Variants in STT3B observed in about 807,000 individuals in gnomAD.
The protein encoded by STT3B is STT3 oligosaccharyltransferase complex catalytic subunit B.
In STT3B, 29 loss-of-function variants were observed where a neutral mutation model predicts 96.8. That is an observed-to-expected ratio of 0.30 (90% CI 0.22 to 0.41). The LOEUF is 0.41. Among genes scored for constraint, STT3B ranks in the 10% least tolerant of loss-of-function variants. STT3B has a pLI of 1.00. For synonymous variants in STT3B, 367 were observed against 360.0 expected (o/e 1.02, Z -0.22); for missense variants, 640 against 1,022.3 (o/e 0.63, Z 5.10).
intron 15 of STT3B, among the ~76,000 whole-genome samples, chr3:31,634,716 G>T (rs1699726444): frequency 1.3e-5 from 2 of 152,112 alleles, no homozygotes; most frequent in Non-Finnish European, 2.9e-5. Flanking sequence ...TTGGCACATG[G>T]TTCACTGCCA....
At chr3:31,557,985 G>A (rs1295256556) in intron 1 of STT3B, among the ~76,000 whole-genome samples, 1 of 152,146 alleles carries the variant, frequency 6.6e-6, no homozygotes, top group Non-Finnish European at 1.5e-5. Context: ...GTTTGTCATT[G>A]ACATATAAAA....
intron 5 of STT3B, among the ~76,000 whole-genome samples, chr3:31,606,132 T>G (rs908930392): frequency 3.9e-5 from 6 of 152,162 alleles, no homozygotes; most frequent in African/African-American, 1.4e-4. Flanking sequence ...AAAAGGTGAC[T>G]TGGGTACTGT....
At chr3:31,634,309 G>T (rs1699719375) in intron 15 of STT3B, among the ~76,000 whole-genome samples, 2 of 152,144 alleles carry the variant, frequency 1.3e-5, no homozygotes, top group Admixed American at 1.3e-4. Flanking sequence ...GTATAACTAA[G>T]GTGTACTTTT....
At chr3:31,571,933 ATATT>A (rs1698149668) in intron 1 of STT3B, among the ~76,000 whole-genome samples, 1 of 76,806 alleles carries the variant, frequency 1.3e-5, no homozygotes, top group Admixed American at 1.6e-4. Flanking sequence ...TATATCATAT[ATATT>A]ATATATAATA....
chr3:31,563,869 G>A (rs1379732469), intron 1 of STT3B, among the ~76,000 whole-genome samples: 1 of 152,004 alleles, frequency 6.6e-6, no homozygotes, highest in Admixed American at 6.6e-5. Context: ...TAGTGGGCGC[G>A]ATCTTGGCTC....
chr3:31,576,493 G>A lies in STT3B; in HGVS notation c.412G>A (p.Val138Ile). 4 of 1,565,138 alleles carry A rather than the reference G, an allele frequency of 2.6e-6. No individual in the cohort carries two copies. Among genetic ancestry groups the A allele is most frequent in the Non-Finnish European group, 3.5e-6 (4 of 1,143,402 alleles). The part of the protein sequence containing the change: ...ERAWYPLGRI[V>I]GGTVYPGLMI... ...AGCATGGTATCCACTAGGAAGAATA[G>A]TAGGTGGTACTGTAAGTATATTAGC... Residue 138 changes from valine to isoleucine, a missense_variant, in exon 2 of 16, where the codon GTA becomes ATA. This residue lies in a region of STT3B where 267 missense variants were observed against 388.3 expected (regional missense o/e 0.69). Transcript: ENST00000295770.
chr3:31,584,496 A>G (rs1698491973), intron 3 of STT3B, among the ~76,000 whole-genome samples: 1 of 152,176 alleles, frequency 6.6e-6, no homozygotes, highest in African/African-American at 2.4e-5. Flanking sequence ...TTAATTCAAC[A>G]GAAATTTTTG....
intron 1 of STT3B, among the ~76,000 whole-genome samples, chr3:31,543,317 C>G (rs992653827): frequency 6.6e-6 from 1 of 152,204 alleles, no homozygotes; most frequent in Non-Finnish European, 1.5e-5. Context: ...TGGTAAGGTA[C>G]TGTTATGATT....
At chr3:31,635,949 C>A in intron 15 of STT3B, 35 bp from the exon 16 acceptor site, 2 of 1,495,926 alleles carry the variant, frequency 1.3e-6, no homozygotes, top group Non-Finnish European at 1.8e-6. Flanking sequence ...CAGTAAGAAA[C>A]CTGCATTAAT....
intron 1 of STT3B, among the ~76,000 whole-genome samples, chr3:31,564,495 A>G (rs544109968): frequency 6.6e-6 from 1 of 152,224 alleles, no homozygotes; most frequent in East Asian, 1.9e-4. Context: ...ATCTGTAAAT[A>G]GGGAATGACA....
intron 10 of STT3B, among the ~76,000 whole-genome samples, 199 bp from the exon 11 acceptor site, chr3:31,623,475 G>T (rs553368245): frequency 6.6e-6 from 1 of 152,176 alleles, no homozygotes; most frequent in South Asian, 2.1e-4. Flanking sequence ...TTCTGGATTG[G>T]TATATTCCCA....
chr3:31,544,398 G>A (rs1350175501), intron 1 of STT3B, among the ~76,000 whole-genome samples: 1 of 152,172 alleles, frequency 6.6e-6, no homozygotes, highest in African/African-American at 2.4e-5. Context: ...ATTGAATATT[G>A]TAGATATTGT....
chr3:31,607,535 T>TGCAA (rs1699080009), intron 5 of STT3B, among the ~76,000 whole-genome samples: 1 of 152,162 alleles, frequency 6.6e-6, no homozygotes, highest in Non-Finnish European at 1.5e-5. Flanking sequence ...GCATGCCACC[T>TGCAA]TGATTGTGAG....
chr3:31,609,215 T>C (rs1347447286), intron 5 of STT3B, among the ~76,000 whole-genome samples: 2 of 152,182 alleles, frequency 1.3e-5, no homozygotes, highest in African/African-American at 4.8e-5. Context: ...TTTAAATCTT[T>C]TTTTATTTTT....
intron 1 of STT3B, among the ~76,000 whole-genome samples, chr3:31,553,430 G>A (rs138682019): frequency 1.4e-3 from 212 of 152,252 alleles, no homozygotes; most frequent in African/African-American, 4.8e-3. Context: ...ATACTACTCA[G>A]CAGTAAAAAA....
At chr3:31,591,860 T>G (rs1698671619) in intron 3 of STT3B, among the ~76,000 whole-genome samples, 1 of 152,140 alleles carries the variant, frequency 6.6e-6, no homozygotes, top group Admixed American at 6.5e-5. Flanking sequence ...ATAATTTCCT[T>G]TTAGCCTGAA....
chr3:31,535,232 A>G (rs915799753), intron 1 of STT3B, among the ~76,000 whole-genome samples: 2 of 152,146 alleles, frequency 1.3e-5, no homozygotes, highest in East Asian at 1.9e-4. Flanking sequence ...AGAAATCTGC[A>G]TCAAGTCAGC....
chr3:31,547,532 G>T (rs573738963), intron 1 of STT3B, among the ~76,000 whole-genome samples: 1 of 152,194 alleles, frequency 6.6e-6, no homozygotes, highest in South Asian at 2.1e-4. Context: ...TGTAATCCCA[G>T]CTACTCGAGA....
At chr3:31,602,098 T>C (rs1698941614) in intron 5 of STT3B, among the ~76,000 whole-genome samples, 1 of 152,112 alleles carries the variant, frequency 6.6e-6, no homozygotes. Flanking sequence ...CACTCCAGCC[T>C]GGGTGACAGA....
Sources: gnomAD v4.1 joint callset for allele counts (sites outside exome capture counted in the v4.1 genomes callset) on GRCh38, gnomAD v4.1.1 for gene constraint, gnomAD v4.1.1 regional missense constraint, MANE v1.5 for transcripts, NCBI Gene and HGNC (gene_info 2026-07-23, HGNC 2026-07-21) for gene names.